ZDHHC17: variants seen among roughly 807,000 people sequenced by gnomAD.
ZDHHC17 encodes the protein zDHHC palmitoyltransferase 17, also known as palmitoyltransferase ZDHHC17.
A neutral mutation model predicts 90.3 loss-of-function variants in ZDHHC17; 40 were observed. The ratio of observed to expected loss-of-function variants is 0.44; its 90% CI spans 0.34 to 0.58. ZDHHC17 has a LOEUF of 0.58. ZDHHC17 is among the 20% of genes least tolerant of loss of function. The pLI is 0.01. For missense variants in ZDHHC17, 614 were observed against 780.8 expected (o/e 0.79, Z 2.55); for synonymous variants, 235 against 252.4 (o/e 0.93, Z 0.65).
chr12:76,830,385 T>C, intron 10 of ZDHHC17, among the ~76,000 whole-genome samples: 1 of 152,238 alleles, frequency 6.6e-6, no homozygotes, highest in East Asian at 1.9e-4. Context: ...AACTACACTT[T>C]TAATTCTTAA....
intron 7 of ZDHHC17, among the ~76,000 whole-genome samples, chr12:76,816,545 G>A (rs117535841): frequency 0.011 from 1,675 of 151,992 alleles, 11 homozygotes; most frequent in Non-Finnish European, 0.017. Context: ...ATTGACAAAT[G>A]TTCTTTAATT....
chr12:76,771,736 T>C (rs1287534967), intron 1 of ZDHHC17, among the ~76,000 whole-genome samples: 2 of 151,936 alleles, frequency 1.3e-5, no homozygotes, highest in African/African-American at 4.8e-5. Context: ...AAACTATCCC[T>C]ATTCTCATGA....
rs12319532 is a variant in ZDHHC17, at chr12:76,823,285, T to C, written c.897+754T>C. ...AGCTCTAACTTGAGCTTTGCATTCT[T>C]TTGTGATATGTTGTATACCTTTTTT... On this transcript the variant is annotated intron_variant, in intron 8 of 16. Coordinates refer to ENST00000426126, the MANE Select transcript of ZDHHC17 (RefSeq NM_015336.4). Among the ~76,000 whole-genome samples, 561 of 152,344 alleles carry C rather than the reference T, an allele frequency of 3.7e-3. 6 individuals are homozygous for C. The highest frequency in any genetic ancestry group is 0.012 in the African/African-American group (511 of 41,584).
intron 1 of ZDHHC17, among the ~76,000 whole-genome samples, chr12:76,771,488 A>G (rs1453179243): frequency 6.6e-6 from 1 of 152,204 alleles, no homozygotes; most frequent in Non-Finnish European, 1.5e-5. Context: ...TGATACTGTT[A>G]GGGATATGAA....
intron 3 of ZDHHC17, among the ~76,000 whole-genome samples, chr12:76,806,660 C>G (rs1467183146): frequency 6.6e-6 from 1 of 152,186 alleles, no homozygotes; most frequent in Non-Finnish European, 1.5e-5. Flanking sequence ...CAGGCGTGAG[C>G]CACTGTGCCT....
chr12:76,809,603 C>G (rs1450302968), intron 4 of ZDHHC17, 110 bp from the exon 5 acceptor site: 1 of 895,204 alleles, frequency 1.1e-6, no homozygotes. Context: ...AATAACTTTT[C>G]AAAATACATA....
rs139714637 is a variant in ZDHHC17 at position 76,808,562 on chromosome 12, T to A, written c.321-481T>A. On this transcript the variant is annotated intron_variant, in intron 3 of 16. Coordinates refer to ENST00000426126, the MANE Select transcript of ZDHHC17 (RefSeq NM_015336.4). ...GTTGCTATTTCCTTTTCAAGCAACA[T>A]GGCTTTAAAGGCACAAGAAATAACA... is the stretch of plus-strand genomic sequence containing the variant. Among the ~76,000 whole-genome samples the A allele has an allele frequency of 1.9e-3, 292 of 152,342 alleles. 2 individuals carry two copies. Among genetic ancestry groups the A allele is most frequent in the African/African-American group, 6.7e-3 (277 of 41,584 alleles).
At chr12:76,843,279 A>G (rs1953456437) in intron 12 of ZDHHC17, among the ~76,000 whole-genome samples, 1 of 152,176 alleles carries the variant, frequency 6.6e-6, no homozygotes, top group South Asian at 2.1e-4. Flanking sequence ...ATTTCAGATC[A>G]AAGATTTATA....
intron 3 of ZDHHC17, 44 bp downstream of exon 3, chr12:76,805,483 ATGGT>A: frequency 7.4e-7 from 1 of 1,347,382 alleles, no homozygotes; most frequent in Non-Finnish European, 1.0e-6. Context: ...TTGACTTTTT[ATGGT>A]TATAAAATTA....
chr12:76,800,579 G>A (rs576148172), intron 2 of ZDHHC17, among the ~76,000 whole-genome samples: 1 of 152,240 alleles, frequency 6.6e-6, no homozygotes, highest in South Asian at 2.1e-4. Flanking sequence ...TTGCTGCATT[G>A]AACCTTTTAT....
intron 1 of ZDHHC17, among the ~76,000 whole-genome samples, chr12:76,791,671 C>T (rs1177774557): frequency 6.6e-6 from 1 of 152,110 alleles, no homozygotes; most frequent in Admixed American, 6.6e-5. Flanking sequence ...CTATACTATA[C>T]ATCTGGGATT....
intron 3 of ZDHHC17, 76 bp downstream of exon 3, chr12:76,805,515 A>G (rs1037558413): frequency 1.7e-6 from 2 of 1,198,170 alleles, no homozygotes; most frequent in South Asian, 3.1e-5. Context: ...TAATTGTTAT[A>G]AAAACTAATA....
intron 15 of ZDHHC17, 81 bp downstream of exon 15, chr12:76,848,471 C>A: frequency 7.5e-7 from 1 of 1,342,246 alleles, no homozygotes; most frequent in South Asian, 1.4e-5. Context: ...ATATTCTCTT[C>A]CTAACCACTC....
chr12:76,779,815 C>T (rs927865619), intron 1 of ZDHHC17, among the ~76,000 whole-genome samples: 27 of 151,734 alleles, frequency 1.8e-4, no homozygotes, highest in African/African-American at 6.5e-4. Flanking sequence ...CATTCAAGTT[C>T]ATGATTAATT....
intron 1 of ZDHHC17, among the ~76,000 whole-genome samples, chr12:76,777,723 T>C (rs1952574690): frequency 6.6e-6 from 1 of 152,164 alleles, no homozygotes; most frequent in Non-Finnish European, 1.5e-5. Context: ...ATTGTTATAT[T>C]TACTTTCTAA....
intron 3 of ZDHHC17, among the ~76,000 whole-genome samples, chr12:76,806,077 A>C (rs1952950502): frequency 6.6e-6 from 1 of 152,188 alleles, no homozygotes; most frequent in African/African-American, 2.4e-5. Context: ...CACTTTGGAC[A>C]CAAAATATTT....
chr12:76,792,888 A>G (rs1257154108), intron 1 of ZDHHC17, among the ~76,000 whole-genome samples: 1 of 152,186 alleles, frequency 6.6e-6, no homozygotes, highest in Non-Finnish European at 1.5e-5. Flanking sequence ...CCCAAACCCA[A>G]TTCAATGAAA....
intron 2 of ZDHHC17, among the ~76,000 whole-genome samples, chr12:76,803,931 A>G (rs1033507602): frequency 6.6e-6 from 1 of 152,204 alleles, no homozygotes; most frequent in Non-Finnish European, 1.5e-5. Flanking sequence ...CATCAGCCGA[A>G]TGGCCTGGAA....
chr12:76,832,505 G>T (rs1953315767), intron 10 of ZDHHC17, among the ~76,000 whole-genome samples: 2 of 152,158 alleles, frequency 1.3e-5, no homozygotes, highest in Non-Finnish European at 2.9e-5. Context: ...TTCCTATGTG[G>T]CTCTGGTCAC....
Sources: allele counts gnomAD v4.1 joint callset (sites outside exome capture counted in the v4.1 genomes callset), GRCh38; gene constraint gnomAD v4.1.1; transcripts MANE v1.5; gene names NCBI Gene and HGNC (gene_info 2026-07-23, HGNC 2026-07-21).